C7orf78: variants seen among roughly 807,000 people sequenced by gnomAD.
The protein encoded by C7orf78 is putative uncharacterized protein C7orf78.
At chr7:12,491,251 G>A in the C7orf78 span, 1 of 152,284 alleles carries the variant, frequency 6.6e-6, no homozygotes, top group African/African-American at 2.4e-5. Context: ...AATGTGCATA[G>A]GGATGTCTAG....
chr7:12,540,788 G>C, the C7orf78 span: 1 of 152,202 alleles, frequency 6.6e-6, no homozygotes, highest in Non-Finnish European at 1.5e-5. Flanking sequence ...GTGAATAAGA[G>C]GATTAAGCAA....
the C7orf78 span, among the ~76,000 whole-genome samples, chr7:12,499,171 A>C: frequency 6.6e-6 from 1 of 152,176 alleles, no homozygotes. Context: ...AAGAAACTGC[A>C]TCAACTAACG....
the C7orf78 span, among the ~76,000 whole-genome samples, chr7:12,498,319 G>C: frequency 8.6e-5 from 13 of 151,678 alleles, no homozygotes; most frequent in African/African-American, 3.2e-4. Context: ...CAAAGGCAAA[G>C]AAGTTGAAAA....
chr7:12,535,982 G>A, the C7orf78 span, among the ~76,000 whole-genome samples: 1 of 152,174 alleles, frequency 6.6e-6, no homozygotes, highest in Non-Finnish European at 1.5e-5. Flanking sequence ...CTGCCTTCAT[G>A]GGCTGGTGTT....
the C7orf78 span, among the ~76,000 whole-genome samples, chr7:12,529,695 C>A: frequency 6.6e-6 from 1 of 152,296 alleles, no homozygotes; most frequent in East Asian, 1.9e-4. Flanking sequence ...AGTTTGGAGG[C>A]TTCCAGGTCA....
chr7:12,506,874 GT>G, the C7orf78 span: 5 of 468,308 alleles, frequency 1.1e-5, no homozygotes, highest in African/African-American at 1.0e-4. Flanking sequence ...AGTCTACAGT[GT>G]TGTATAACAA....
the C7orf78 span, among the ~76,000 whole-genome samples, chr7:12,522,329 A>G: frequency 6.6e-6 from 1 of 152,230 alleles, no homozygotes; most frequent in African/African-American, 2.4e-5. Flanking sequence ...TGATAATGTC[A>G]TTAAATCTGA....
At chr7:12,506,959 AC>A in the C7orf78 span, 1 of 477,770 alleles carries the variant, frequency 2.1e-6, no homozygotes, top group Non-Finnish European at 4.2e-6. Context: ...CTCTTGCTGA[AC>A]AAAGACAACA....
At chr7:12,502,430 A>G in the C7orf78 span, among the ~76,000 whole-genome samples, 1 of 151,948 alleles carries the variant, frequency 6.6e-6, no homozygotes, top group Non-Finnish European at 1.5e-5. Context: ...AGGGACATGA[A>G]CAGACACTTC....
At chr7:12,493,762 A>T in the C7orf78 span, among the ~76,000 whole-genome samples, 3,890 of 152,268 alleles carry the variant, frequency 0.026, 371 homozygotes, top group Admixed American at 0.18. Context: ...ACTACTCCCA[A>T]AGATTGCTGT....
At chr7:12,527,411 T>A in the C7orf78 span, among the ~76,000 whole-genome samples, 1 of 107,476 alleles carries the variant, frequency 9.3e-6, no homozygotes, top group Non-Finnish European at 1.8e-5. Flanking sequence ...ATGGAACATA[T>A]CTACTTTCCT....
the C7orf78 span, among the ~76,000 whole-genome samples, chr7:12,487,450 T>C: frequency 6.6e-6 from 1 of 152,098 alleles, no homozygotes; most frequent in African/African-American, 2.4e-5. Context: ...TGGCGTCTGA[T>C]CTCAGCAAGG....
chr7:12,496,286 A>G, the C7orf78 span: 1 of 152,224 alleles, frequency 6.6e-6, no homozygotes, highest in South Asian at 2.1e-4. Flanking sequence ...ATACATTCAG[A>G]ATTACCTACC....
the C7orf78 span, among the ~76,000 whole-genome samples, chr7:12,528,487 A>G: frequency 2.7e-5 from 4 of 147,342 alleles, no homozygotes; most frequent in Non-Finnish European, 6.0e-5. Context: ...AGAAAATGCC[A>G]TCTAGCTGTG....
the C7orf78 span, among the ~76,000 whole-genome samples, chr7:12,499,127 A>C: frequency 3.9e-5 from 6 of 152,214 alleles, no homozygotes; most frequent in African/African-American, 1.4e-4. Flanking sequence ...CCACTGCAAA[A>C]TCATGCCAAA....
At chr7:12,523,067 C>T in the C7orf78 span, 14 of 398,154 alleles carry the variant, frequency 3.5e-5, no homozygotes, top group Middle Eastern at 6.2e-4. Flanking sequence ...ATATCCTTCA[C>T]GACAGGATCT....
the C7orf78 span, among the ~76,000 whole-genome samples, chr7:12,500,771 C>A: frequency 1.3e-5 from 2 of 150,348 alleles, no homozygotes; most frequent in African/African-American, 2.5e-5. Context: ...GGCAGAGACA[C>A]AACCAAAAAA....
At chr7:12,532,462 T>C in the C7orf78 span, among the ~76,000 whole-genome samples, 2 of 150,594 alleles carry the variant, frequency 1.3e-5, no homozygotes, top group South Asian at 4.2e-4. Flanking sequence ...GGCAGGAGAA[T>C]CACTTGAACC....
At chr7:12,526,875 T>A in the C7orf78 span, among the ~76,000 whole-genome samples, 1 of 152,098 alleles carries the variant, frequency 6.6e-6, no homozygotes, top group Admixed American at 6.6e-5. Context: ...TCCTAGTATA[T>A]GCTATGTGTC....
Sources: gnomAD v4.1 joint callset for allele counts (sites outside exome capture counted in the v4.1 genomes callset) on GRCh38, gnomAD v4.1.1 for gene constraint, MANE v1.5 for transcripts, NCBI Gene and HGNC (gene_info 2026-07-23, HGNC 2026-07-21) for gene names.